IQSEC1: variants seen among roughly 807,000 people sequenced by gnomAD.
IQSEC1 encodes IQ motif and SEC7 domain-containing protein 1.
Under a neutral mutation model 91.0 loss-of-function variants are expected in IQSEC1, and 31 were observed. That is an observed-to-expected ratio of 0.34 (90% CI 0.26 to 0.46). IQSEC1 has a LOEUF of 0.46. IQSEC1 is among the 20% of genes least tolerant of loss of function. IQSEC1 has a pLI of 1.00. For missense variants in IQSEC1, 1,388 were observed against 1,575.6 expected, an observed-to-expected ratio of 0.88 and a Z score of 2.02; for synonymous variants, 699 against 662.6, an observed-to-expected ratio of 1.05 and a Z score of -0.84.
intron 1 of IQSEC1, among the ~76,000 whole-genome samples, chr3:12,974,711 C>T (rs1313551538): frequency 1.3e-5 from 2 of 152,240 alleles, no homozygotes; most frequent in African/African-American, 2.4e-5. Context: ...TCACCCTTCC[C>T]ATTTAGGTGC....
intron 1 of IQSEC1, among the ~76,000 whole-genome samples, chr3:13,031,571 C>T (rs1249593521): frequency 6.6e-6 from 1 of 152,198 alleles, no homozygotes; most frequent in African/African-American, 2.4e-5. Context: ...GATCATCTAA[C>T]CTTTCCCTCG....
chr3:12,977,197 A>C (rs1038568247), intron 1 of IQSEC1, among the ~76,000 whole-genome samples: 3 of 151,980 alleles, frequency 2.0e-5, no homozygotes, highest in Non-Finnish European at 2.9e-5. Flanking sequence ...AAATATAAAA[A>C]ATTAGCCGGG....
At position 13,073,160 on chromosome 3, in the gene IQSEC1, G is replaced by GC; in HGVS notation, c.-147dup. The GC allele has an allele frequency of 1.1e-6, 1 of 909,732 alleles. No homozygotes were observed. Among genetic ancestry groups the GC allele is most frequent in the Non-Finnish European group, 1.7e-6 (1 of 591,714 alleles). The allele number at this position is 909,732 out of a possible 1,614,324, so 56.4% of individuals were successfully genotyped here. A position where few individuals can be genotyped will look rare whatever the true frequency, so the allele number is the denominator to read the frequency against. ...CGAGTCACATTCCCGGGGGTGGCGG[G>GC]CTCCTCCAGGGAGGCTGGGGCGGGA... is the stretch of plus-strand genomic sequence containing the variant. On this transcript the variant is annotated 5_prime_UTR_variant, in exon 1 of 14. Transcript: ENST00000613206.
intron 2 of IQSEC1, among the ~76,000 whole-genome samples, chr3:13,157,969 T>C (rs1276990191): frequency 6.6e-6 from 1 of 152,182 alleles, no homozygotes; most frequent in East Asian, 1.9e-4. Flanking sequence ...AAAGACACAG[T>C]AGGTGCTCAA....
At chr3:13,217,134 G>A (rs965341627) in intron 1 of IQSEC1, among the ~76,000 whole-genome samples, 8 of 152,090 alleles carry the variant, frequency 5.3e-5, no homozygotes, top group Non-Finnish European at 8.8e-5. Context: ...CCTGACTCAG[G>A]CTTTTTTGCT....
At chr3:13,060,475 A>G (rs987993467) in intron 1 of IQSEC1, among the ~76,000 whole-genome samples, 18 of 152,178 alleles carry the variant, frequency 1.2e-4, no homozygotes, top group African/African-American at 4.3e-4. Flanking sequence ...CAGCTCCTGC[A>G]GTCTCAGGGC....
rs548342278 is a variant in IQSEC1 at position 13,104,657 on chromosome 3, T to C, written c.303-57135A>G. ...CCCACCTCTCCCCCTCCGGTGGCCC[T>C]GGCTCCGGACTCAGCTGCTCTCACG... is the stretch of plus-strand genomic sequence containing the variant. On this transcript the variant is annotated intron_variant, in intron 2 of 15. Transcript: ENST00000648114. Among the ~76,000 whole-genome samples the C allele has an allele frequency of 1.1e-4, 16 of 152,282 alleles. No individual in the cohort carries two copies. In the South Asian group the frequency reaches 3.3e-3, roughly 32 times the overall value.
intron 9 of IQSEC1, among the ~76,000 whole-genome samples, chr3:12,912,852 T>C (rs1268871486): frequency 6.6e-6 from 1 of 152,094 alleles, no homozygotes; most frequent in East Asian, 1.9e-4. Flanking sequence ...CAGTTTCCTT[T>C]TGGGGAAACC....
intron 1 of IQSEC1, among the ~76,000 whole-genome samples, chr3:13,185,568 T>C (rs1385923928): frequency 6.6e-6 from 1 of 152,222 alleles, no homozygotes; most frequent in African/African-American, 2.4e-5. Context: ...GCTTGATTAC[T>C]TCCACAAACA....
intron 1 of IQSEC1, among the ~76,000 whole-genome samples, chr3:13,005,552 T>C (rs1702601515): frequency 6.6e-6 from 1 of 152,262 alleles, no homozygotes; most frequent in Admixed American, 6.5e-5. Flanking sequence ...GGGCTGACAT[T>C]CACAGCAGGC....
At chr3:13,076,819 C>T (rs1576239467), upstream of IQSEC1, among the ~76,000 whole-genome samples, 1 of 152,176 alleles carries the variant, frequency 6.6e-6, no homozygotes, top group African/African-American at 2.4e-5. Context: ...AATGTATTCT[C>T]TTTAAACAAA....
rs563135591 is a variant in IQSEC1, at chr3:13,128,431, T to A, written c.302+35673A>T. ...CATAGATATAATGAATCATATGATG[T>A]CTCCTTTAGCCTGCTGAGAAAGTGG... On this transcript the variant is annotated intron_variant, in intron 2 of 15. Coordinates refer to the IQSEC1 transcript ENST00000648114. Among the ~76,000 whole-genome samples the A allele has an allele frequency of 3.3e-5, 5 of 152,328 alleles. No homozygotes were observed. In the East Asian group the frequency reaches 9.6e-4, roughly 29 times the overall value.
intron 1 of IQSEC1, among the ~76,000 whole-genome samples, chr3:13,224,914 G>T (rs181618665): frequency 1.3e-5 from 2 of 152,330 alleles, no homozygotes; most frequent in Non-Finnish European, 2.9e-5. Flanking sequence ...GCCCCACGGG[G>T]ACGTGTCCAG....
At position 13,253,088 on chromosome 3, in the gene IQSEC1, G is replaced by A. The variant is rs528214366; in HGVS notation, c.272+29623C>T. Reference sequence around the variant, plus strand: ...CCTGGTGGGTGTGAGGTTGCTTCTCGCTGTGGCTTTGACTGGATTTCTCCT... The same window carrying A: ...CCTGGTGGGTGTGAGGTTGCTTCTCACTGTGGCTTTGACTGGATTTCTCCT... On this transcript the variant is annotated intron_variant, in intron 1 of 15. Coordinates refer to the IQSEC1 transcript ENST00000648114. 7.2e-5 allele frequency among the ~76,000 whole-genome samples: 11 copies of A among 152,308 alleles called. 1 individual carries two copies. The South Asian group carries it at 1.2e-3, about 17-fold the overall frequency.
intron 1 of IQSEC1, among the ~76,000 whole-genome samples, chr3:12,962,710 C>T (rs1448073813): frequency 2.6e-5 from 4 of 152,214 alleles, no homozygotes; most frequent in Non-Finnish European, 5.9e-5. Context: ...TGGCCTGGGG[C>T]TGCGCACAGC....
intron 1 of IQSEC1, among the ~76,000 whole-genome samples, chr3:13,223,276 T>C (rs1285010292): frequency 1.3e-5 from 2 of 152,306 alleles, no homozygotes; most frequent in East Asian, 1.9e-4. Context: ...AATGGAAACA[T>C]ACAAACTCAG....
chr3:13,166,310 A>T (rs1474963347), intron 1 of IQSEC1, among the ~76,000 whole-genome samples: 1 of 149,528 alleles, frequency 6.7e-6, no homozygotes, highest in African/African-American at 2.6e-5. Flanking sequence ...GTCTCTTAGG[A>T]TCTATCTGCC....
At chr3:13,145,804 C>CCG (rs1346070836) in intron 2 of IQSEC1, among the ~76,000 whole-genome samples, 2 of 53,070 alleles carry the variant, frequency 3.8e-5, no homozygotes, top group South Asian at 9.2e-4. Flanking sequence ...CGCCCGGGGG[C>CCG]GGGGGGGGGG....
chr3:13,249,628 C>T (rs1201692148), intron 1 of IQSEC1, among the ~76,000 whole-genome samples: 1 of 152,076 alleles, frequency 6.6e-6, no homozygotes, highest in Non-Finnish European at 1.5e-5. Context: ...AGCTTGGGTT[C>T]GAATACCAGC....
Sources: gnomAD v4.1 joint callset for allele counts (sites outside exome capture counted in the v4.1 genomes callset) on GRCh38, gnomAD v4.1.1 for gene constraint, MANE v1.5 for transcripts, NCBI Gene and HGNC (gene_info 2026-07-23, HGNC 2026-07-21) for gene names.